Variants in EYS observed in about 807,000 individuals in gnomAD.
EYS encodes the protein EGF-like photoreceptor maintenance factor.
A neutral mutation model predicts 282.1 loss-of-function variants in EYS; 250 were observed. The observed-to-expected ratio is 0.89, with a 90% CI of 0.80 to 0.98. The LOEUF is 0.98. Among genes scored for constraint, EYS ranks in the 50% least tolerant of loss-of-function variants. The probability of loss-of-function intolerance (pLI) is 0.00; values close to 1 mark genes in which losing one functional copy is unlikely to be tolerated. For missense variants in EYS, 4,016 were observed against 3,709.0 expected (o/e 1.08, Z -2.15); for synonymous variants, 1,355 against 1,282.9 (o/e 1.06, Z -1.20).
intron 1 of EYS, among the ~76,000 whole-genome samples, chr6:65,678,174 T>C (rs1018866827): frequency 1.3e-5 from 2 of 151,874 alleles, no homozygotes; most frequent in African/African-American, 2.4e-5. Context: ...TTTAAACAAC[T>C]AGATCTCGTG....
At chr6:65,150,176 A>T (rs1052964545) in intron 12 of EYS, among the ~76,000 whole-genome samples, 23 of 151,984 alleles carry the variant, frequency 1.5e-4, no homozygotes, top group Admixed American at 1.4e-3. Flanking sequence ...ATCACCTGTC[A>T]TTATGGGGGG....
chr6:64,101,034 A>G (rs1296983608), intron 31 of EYS, among the ~76,000 whole-genome samples: 1 of 152,116 alleles, frequency 6.6e-6, no homozygotes, highest in Admixed American at 6.6e-5. Context: ...TTAAGTAGCT[A>G]AAACCAGCAA....
At chr6:65,663,707 A>C (rs1768088543) in intron 1 of EYS, among the ~76,000 whole-genome samples, 1 of 152,076 alleles carries the variant, frequency 6.6e-6, no homozygotes, top group Non-Finnish European at 1.5e-5. Flanking sequence ...TTTGAGACGG[A>C]GTCTCGCTCT....
chr6:64,809,589 C>T (rs929348561), intron 22 of EYS, among the ~76,000 whole-genome samples: 21 of 151,838 alleles, frequency 1.4e-4, no homozygotes, highest in African/African-American at 4.8e-4. Flanking sequence ...AACAGCAGAT[C>T]GATAAAAGAA....
At chr6:64,600,684 G>A (rs1412992566) in intron 24 of EYS, among the ~76,000 whole-genome samples, 4 of 152,108 alleles carry the variant, frequency 2.6e-5, no homozygotes, top group South Asian at 4.1e-4. Flanking sequence ...CTAGGAAGGG[G>A]ACTATGTTAC....
rs114830109 is a variant in EYS at position 63,888,026 on chromosome 6, G to C, written c.7056-23668C>G. On this transcript the variant is annotated intron_variant, in intron 35 of 42. Coordinates refer to ENST00000503581, the MANE Select transcript of EYS (RefSeq NM_001142800.2). Reference sequence around the variant, plus strand: ...ACAGTGTAAACAAAGCTTCCTGGAAGTTCAAACTGGGTGGAACCCACTGCA... The same window carrying C: ...ACAGTGTAAACAAAGCTTCCTGGAACTTCAAACTGGGTGGAACCCACTGCA... Among the ~76,000 whole-genome samples, 942 of 152,330 alleles carry C rather than the reference G, an allele frequency of 6.2e-3. 4 individuals are homozygous for C. Among genetic ancestry groups the C allele is most frequent in the Non-Finnish European group, 9.6e-3 (655 of 68,028 alleles).
intron 12 of EYS, among the ~76,000 whole-genome samples, chr6:65,212,921 T>C (rs2150253291): frequency 6.6e-6 from 1 of 152,260 alleles, no homozygotes; most frequent in South Asian, 2.1e-4. Flanking sequence ...ATTGAGATGC[T>C]TTCAATTTTG....
intron 41 of EYS, among the ~76,000 whole-genome samples, chr6:63,729,753 C>T (rs1242501601): frequency 6.6e-6 from 1 of 152,050 alleles, no homozygotes; most frequent in Non-Finnish European, 1.5e-5. Context: ...GGTTTCCCAC[C>T]CTATCTCTCT....
intron 19 of EYS, 24 bp downstream of exon 19, chr6:64,886,673 C>T (rs1266162441): frequency 1.9e-5 from 28 of 1,509,844 alleles, no homozygotes; most frequent in African/African-American, 8.5e-5. Context: ...TATGTTGCTG[C>T]ACATGGGACA....
intron 33 of EYS, among the ~76,000 whole-genome samples, chr6:64,023,259 T>C (rs547539870): frequency 1.3e-5 from 2 of 152,370 alleles, no homozygotes; most frequent in South Asian, 4.1e-4. Context: ...ATTTCTCTGT[T>C]GATCGATACT....
intron 26 of EYS, among the ~76,000 whole-genome samples, chr6:64,467,684 C>CT (rs2150489882): frequency 6.6e-6 from 1 of 152,240 alleles, no homozygotes; most frequent in African/African-American, 2.4e-5. Context: ...ACCACTACTG[C>CT]TTGTGTACAT....
chr6:65,460,096 C>A (rs1448726720), intron 5 of EYS, among the ~76,000 whole-genome samples: 1 of 145,816 alleles, frequency 6.9e-6, no homozygotes, highest in Non-Finnish European at 1.5e-5. Context: ...CACACACACA[C>A]ACATACATAT....
At chr6:65,534,730 C>T (rs937598423) in intron 2 of EYS, among the ~76,000 whole-genome samples, 2 of 152,112 alleles carry the variant, frequency 1.3e-5, no homozygotes, top group Non-Finnish European at 2.9e-5. Context: ...AGGGCACAAC[C>T]GAAGCCTTCC....
intron 12 of EYS, among the ~76,000 whole-genome samples, chr6:65,148,153 A>C (rs1033427868): frequency 6.6e-6 from 1 of 152,092 alleles, no homozygotes; most frequent in Non-Finnish European, 1.5e-5. Context: ...CATTCTCAAC[A>C]GTCCTCAAAG....
At chr6:64,393,051 G>A (rs9345047) in intron 28 of EYS, among the ~76,000 whole-genome samples, 27 of 152,006 alleles carry the variant, frequency 1.8e-4, no homozygotes, top group African/African-American at 5.8e-4. Flanking sequence ...TAAATTCCTC[G>A]ACACATACAC....
intron 8 of EYS, among the ~76,000 whole-genome samples, chr6:65,367,085 A>G (rs1764941882): frequency 6.6e-6 from 1 of 151,674 alleles, no homozygotes; most frequent in African/African-American, 2.4e-5. Flanking sequence ...TATGGGGATT[A>G]GGACACAGAG....
intron 31 of EYS, among the ~76,000 whole-genome samples, chr6:64,161,587 G>T (rs1225341458): frequency 6.6e-6 from 1 of 152,116 alleles, no homozygotes; most frequent in Admixed American, 6.6e-5. Flanking sequence ...GAAGATAAAA[G>T]GCACTCATGA....
In EYS at chr6:63,827,944, A is replaced by C. The variant is rs181924121; in HGVS notation, c.7229-21572T>G. ...AATCAACTCCAAAAGGAACCTTCAA[A>C]GTCATGCAAATACATGGAAATTAAA... On this transcript the variant is annotated intron_variant, in intron 36 of 42. Coordinates refer to ENST00000503581, the MANE Select transcript of EYS (RefSeq NM_001142800.2). Among the ~76,000 whole-genome samples the C allele has an allele frequency of 1.1e-3, 169 of 152,248 alleles. 3 individuals carry two copies. The highest frequency in any genetic ancestry group is 3.4e-4 in the Non-Finnish European group (23 of 68,012).
chr6:64,378,849 T>C (rs1772651210), intron 29 of EYS, among the ~76,000 whole-genome samples: 1 of 152,168 alleles, frequency 6.6e-6, no homozygotes, highest in Admixed American at 6.6e-5. Context: ...TTGCATGTCA[T>C]GGAGAAAATG....
Sources: allele counts gnomAD v4.1 joint callset (sites outside exome capture counted in the v4.1 genomes callset), GRCh38; gene constraint gnomAD v4.1.1; transcripts MANE v1.5; gene names NCBI Gene and HGNC (gene_info 2026-07-23, HGNC 2026-07-21).